Variants in SVIL observed in about 807,000 individuals in gnomAD.
SVIL encodes supervillin, also known as archvillin.
SVIL carries 101 observed loss-of-function variants against 240.4 expected under a neutral mutation model. The ratio of observed to expected loss-of-function variants is 0.42; its 90% CI spans 0.36 to 0.50. The LOEUF (loss-of-function observed/expected upper bound fraction) is 0.50. SVIL is among the 20% of genes least tolerant of loss of function. SVIL has a pLI of 0.01. For missense variants in SVIL, 2,512 were observed against 2,818.7 expected (o/e 0.89, Z 2.46); for synonymous variants, 999 against 1,100.0 (o/e 0.91, Z 1.82).
intron 5 of SVIL, among the ~76,000 whole-genome samples, chr10:29,551,846 C>T (rs1305556242): frequency 1.3e-5 from 2 of 152,160 alleles, no homozygotes; most frequent in African/African-American, 4.8e-5. Context: ...CATAGTGGCT[C>T]ACACCTGTAA....
chr10:29,721,830 G>A (rs1963999848), intron 1 of SVIL, among the ~76,000 whole-genome samples: 1 of 152,166 alleles, frequency 6.6e-6, no homozygotes, highest in Non-Finnish European at 1.5e-5. Context: ...GTTGACTTGT[G>A]GCAAAGTTTT....
intron 1 of SVIL, among the ~76,000 whole-genome samples, chr10:29,590,129 G>A (rs1956328015): frequency 7.9e-6 from 1 of 126,196 alleles, no homozygotes; most frequent in Admixed American, 1.0e-4. Context: ...TTGCGCCACT[G>A]CTCTCCAGCC....
chr10:29,490,584 TTAAA>T (rs368472798), intron 22 of SVIL, among the ~76,000 whole-genome samples: 20,456 of 137,576 alleles, frequency 0.15, 1,552 homozygotes, highest in East Asian at 0.3. Flanking sequence ...CCCCCAGTCT[TTAAA>T]AAAAAAAAAA....
intron 1 of SVIL, among the ~76,000 whole-genome samples, chr10:29,613,147 G>T (rs1957307936): frequency 6.8e-6 from 1 of 147,090 alleles, no homozygotes; most frequent in African/African-American, 2.5e-5. Context: ...TTGCCCTCCA[G>T]CCTGGTGACA....
rs1402928417 is a variant in SVIL at position 29,735,759 on chromosome 10, C to T, written c.-408G>A. 1 of 151,912 alleles carries T rather than the reference C, an allele frequency of 6.6e-6. No homozygotes were observed. Among genetic ancestry groups the T allele is most frequent in the Non-Finnish European group, 1.5e-5 (1 of 67,952 alleles). The allele number at this position is 151,912 out of a possible 1,614,324, so 9.4% of individuals were successfully genotyped here. On this transcript the variant is annotated 5_prime_UTR_variant, in exon 1 of 36. Transcript: ENST00000375400. The surrounding 1 kb of genome is among the most constrained non-coding windows in gnomAD (Gnocchi z 4.1). Reference sequence around the variant, plus strand: ...GGAGGGACTTTGCTCACCTACCCGGCTCTTCCACACCTCCCGGTGGCAGGA... The same window carrying T: ...GGAGGGACTTTGCTCACCTACCCGGTTCTTCCACACCTCCCGGTGGCAGGA...
chr10:29,477,924 T>G (rs1946379093), intron 29 of SVIL, among the ~76,000 whole-genome samples: 1 of 152,278 alleles, frequency 6.6e-6, no homozygotes, highest in African/African-American at 2.4e-5. Context: ...CGCTTTATTT[T>G]TAATTAATTC....
At chr10:29,701,969 T>C (rs1962544897) in intron 1 of SVIL, among the ~76,000 whole-genome samples, 1 of 151,660 alleles carries the variant, frequency 6.6e-6, no homozygotes, top group Admixed American at 6.6e-5. Flanking sequence ...AGGTCAGGAG[T>C]TCGAGACCAG....
At chr10:29,546,237 A>G (rs563119070) in intron 6 of SVIL, among the ~76,000 whole-genome samples, 7 of 152,242 alleles carry the variant, frequency 4.6e-5, no homozygotes, top group Non-Finnish European at 1.0e-4. Context: ...GTTCATAATC[A>G]GTAACACTAC....
At chr10:29,535,487 T>A (rs1463284204) in intron 7 of SVIL, among the ~76,000 whole-genome samples, 2 of 152,254 alleles carry the variant, frequency 1.3e-5, no homozygotes, top group East Asian at 1.9e-4. Flanking sequence ...AAAAATGAAA[T>A]GATAGGGGGT....
rs182992750 is a variant in SVIL at position 29,679,464 on chromosome 10, A to T, written c.-301+7089T>A. Among the ~76,000 whole-genome samples the T allele has an allele frequency of 2.0e-4, 30 of 152,332 alleles. No homozygotes were observed. The East Asian group carries it at 3.5e-3, about 18-fold the overall frequency. ...TCTTCATCAAATATGTTATTAGAAA[A>T]ACAAAAACCTAAAACCAAAAGCATT... On this transcript the variant is annotated intron_variant, in intron 2 of 35. Transcript: ENST00000375400.
intron 7 of SVIL, among the ~76,000 whole-genome samples, chr10:29,534,193 C>G (rs913874331): frequency 6.6e-6 from 1 of 152,158 alleles, no homozygotes; most frequent in African/African-American, 2.4e-5. Context: ...CTGTTATGCT[C>G]TTAGTTAAAA....
intron 16 of SVIL, among the ~76,000 whole-genome samples, chr10:29,514,470 G>A (rs1312197783): frequency 2.0e-5 from 3 of 152,108 alleles, no homozygotes; most frequent in Admixed American, 6.6e-5. Context: ...TTGAACTCCC[G>A]GGCTCAAGCA....
intron 17 of SVIL, among the ~76,000 whole-genome samples, chr10:29,506,525 G>A (rs890359083): frequency 5.9e-5 from 9 of 152,166 alleles, no homozygotes; most frequent in African/African-American, 1.9e-4. Context: ...AATAACTGCT[G>A]GTGCTGCTGG....
intron 2 of SVIL, among the ~76,000 whole-genome samples, chr10:29,565,724 T>TA (rs10657810): frequency 7.4e-4 from 109 of 146,922 alleles, no homozygotes; most frequent in South Asian, 8.6e-4. Context: ...ATCCCATCTC[T>TA]AAAAAAAAAA....
chr10:29,714,686 G>C (rs912800025), intron 1 of SVIL, among the ~76,000 whole-genome samples: 1 of 152,114 alleles, frequency 6.6e-6, no homozygotes, highest in South Asian at 2.1e-4. Context: ...TTGGCCGGGC[G>C]TGGTGACTCA....
chr10:29,579,867 C>T (rs1375930963), intron 1 of SVIL, among the ~76,000 whole-genome samples: 6 of 151,938 alleles, frequency 3.9e-5, no homozygotes, highest in African/African-American at 1.5e-4. Flanking sequence ...TGCCTGTGAC[C>T]TCCCCTGGCT....
intron 2 of SVIL, among the ~76,000 whole-genome samples, chr10:29,672,489 G>GA (rs1171580345): frequency 6.6e-6 from 1 of 151,892 alleles, no homozygotes; most frequent in Non-Finnish European, 1.5e-5. Flanking sequence ...AAAGAAAAAA[G>GA]AAAAAAATAG....
rs368822475 is a variant in SVIL at position 29,533,247 on chromosome 10, C to T, written c.1120G>A (p.Gly374Ser). Residue 374 changes from glycine to serine, a missense_variant, in exon 8 of 38, where the codon GGT becomes AGT. Gly to Ser is a moderately conservative substitution (Grantham distance 56). Around this residue, in one of 3 missense-constraint regions of SVIL, gnomAD observed 1,443 missense variants for 1,486.6 expected, o/e 0.97. Transcript: ENST00000355867. ...GGCGTCACTAGCTTGGCGGTGTGAC[C>T]GGTATCTGCGGGTTGGACATAGCCA... ...IRGYVQPADT[G>S]HTAKLVTPET... 9.3e-6 allele frequency: 15 copies of T among 1,613,942 alleles called. No individual in the cohort carries two copies. The highest frequency in any genetic ancestry group is 1.6e-4 in the Middle Eastern group (1 of 6,084).
At chr10:29,508,961 T>A (rs1250013859) in intron 17 of SVIL, among the ~76,000 whole-genome samples, 1 of 152,218 alleles carries the variant, frequency 6.6e-6, no homozygotes, top group African/African-American at 2.4e-5. Context: ...AGGGATGGAA[T>A]TGAAAATAAC....
Sources: allele counts gnomAD v4.1 joint callset (sites outside exome capture counted in the v4.1 genomes callset), GRCh38; gene constraint gnomAD v4.1.1; regional missense constraint gnomAD v4.1.1; non-coding constraint Gnocchi (gnomAD v3.1); transcripts MANE v1.5; gene names NCBI Gene and HGNC (gene_info 2026-07-23, HGNC 2026-07-21).